THSD4: variants seen among roughly 807,000 people sequenced by gnomAD.
THSD4 encodes the protein thrombospondin type 1 domain containing 4.
Under a neutral mutation model 119.0 loss-of-function variants are expected in THSD4, and 69 were observed. The observed-to-expected ratio is 0.58, with a 90% CI of 0.48 to 0.71. The LOEUF is 0.71. Ranked by LOEUF, THSD4 falls within the 30% of genes least tolerant of loss-of-function variation. The probability of loss-of-function intolerance (pLI) is 0.00; values close to 1 mark genes in which losing one functional copy is unlikely to be tolerated. For synonymous variants in THSD4, 524 were observed against 540.4 expected, an observed-to-expected ratio of 0.97 and a Z score of 0.42; for missense variants, 1,393 against 1,391.1, an observed-to-expected ratio of 1.00 and a Z score of -0.02.
intron 6 of THSD4, among the ~76,000 whole-genome samples, chr15:71,349,789 G>A (rs947232372): frequency 6.6e-6 from 1 of 152,154 alleles, no homozygotes; most frequent in Non-Finnish European, 1.5e-5. Flanking sequence ...TTTGGGATGG[G>A]ATAGGGGTCC....
chr15:71,425,415 A>G (rs1320845275), intron 7 of THSD4, among the ~76,000 whole-genome samples: 3 of 152,024 alleles, frequency 2.0e-5, no homozygotes, highest in African/African-American at 4.8e-5. Context: ...TATTTTTCTC[A>G]CCTCCTCTTT....
chr15:71,765,346 C>T lies in THSD4; in HGVS notation c.2769+147C>T. On this transcript the variant is annotated intron_variant, in intron 16 of 17. Coordinates refer to ENST00000261862, the MANE Select transcript of THSD4 (RefSeq NM_024817.3). ...CCTTAGGTGGTAGCTGCTGGAGTAC[C>T]CCGTGACTCAGCCTGCTTCGTGGGG... 3.1e-6 allele frequency: 3 copies of T among 977,470 alleles called. 1 individual carries two copies. The highest frequency in any genetic ancestry group is 4.3e-6 in the Non-Finnish European group (3 of 697,622). 60.5% of individuals were successfully genotyped at this position (977,470 alleles called of 1,614,324 possible). A position where few individuals can be genotyped will look rare whatever the true frequency, so the allele number is the denominator to read the frequency against.
chr15:71,365,131 TTG>T (rs10690804), intron 6 of THSD4, among the ~76,000 whole-genome samples: 16,940 of 135,738 alleles, frequency 0.12, 1,079 homozygotes, highest in South Asian at 0.18. Flanking sequence ...GCCCCCCCCA[TTG>T]TGTGTGTGTG....
intron 6 of THSD4, among the ~76,000 whole-genome samples, chr15:71,409,581 G>T: frequency 6.6e-6 from 1 of 152,030 alleles, no homozygotes; most frequent in East Asian, 1.9e-4. Context: ...ACATCTTTTG[G>T]GCAGCCAAGG....
intron 6 of THSD4, among the ~76,000 whole-genome samples, chr15:71,406,784 A>G (rs1044856013): frequency 6.6e-6 from 1 of 151,564 alleles, no homozygotes; most frequent in African/African-American, 2.4e-5. Flanking sequence ...AGTTCAAGCA[A>G]TTCTCTTGCC....
At chr15:71,097,319 C>G (rs2040234624) in intron 1 of THSD4, among the ~76,000 whole-genome samples, 1 of 152,142 alleles carries the variant, frequency 6.6e-6, no homozygotes, top group African/African-American at 2.4e-5. Flanking sequence ...AATACCAGCA[C>G]TTTGGGAGGC....
chr15:71,490,376 C>T (rs765650973), intron 7 of THSD4, among the ~76,000 whole-genome samples: 1 of 152,004 alleles, frequency 6.6e-6, no homozygotes, highest in Admixed American at 6.6e-5. Context: ...CTGGCTAACA[C>T]GGTGAAACCC....
intron 3 of THSD4, among the ~76,000 whole-genome samples, chr15:71,171,600 A>G (rs756877582): frequency 1.6e-4 from 24 of 152,342 alleles, no homozygotes; most frequent in Middle Eastern, 3.4e-3. Context: ...TGATAGCTAC[A>G]TAGGTAACTA....
Position 71,407,375 on chromosome 15 carries a change from C to T in THSD4, c.1016-4312C>T, listed in dbSNP as rs191613710. Among the ~76,000 whole-genome samples, 316 of 152,280 alleles carry T rather than the reference C, an allele frequency of 2.1e-3. 2 individuals carry two copies. The highest frequency in any genetic ancestry group is 0.01 in the Middle Eastern group (3 of 294). On this transcript the variant is annotated intron_variant, in intron 6 of 17. Transcript: ENST00000261862. ...TAAGTCATTACAATGAGTCCTTCTG[C>T]TTTCCGGTTTCCTAAATTTTGTAAC... is the stretch of plus-strand genomic sequence containing the variant.
intron 1 of THSD4, among the ~76,000 whole-genome samples, chr15:71,124,095 A>T (rs1036367748): frequency 1.3e-5 from 2 of 152,142 alleles, no homozygotes; most frequent in African/African-American, 2.4e-5. Flanking sequence ...TCAGTCTGAC[A>T]CCAGCACCAC....
chr15:71,243,285 G>A (rs1180136033), intron 5 of THSD4, among the ~76,000 whole-genome samples, 189 bp downstream of exon 5: 1 of 149,250 alleles, frequency 6.7e-6, no homozygotes. Context: ...TTTTTTTAAA[G>A]TTATTGCTTT....
At chr15:71,123,224 G>C (rs1242560817) in intron 1 of THSD4, among the ~76,000 whole-genome samples, 2 of 152,174 alleles carry the variant, frequency 1.3e-5, no homozygotes, top group African/African-American at 2.4e-5. Flanking sequence ...GTGCGTTAGT[G>C]GTCCTGTGTG....
At chr15:71,395,308 G>A (rs1216728083) in intron 6 of THSD4, among the ~76,000 whole-genome samples, 1 of 152,186 alleles carries the variant, frequency 6.6e-6, no homozygotes, top group Non-Finnish European at 1.5e-5. Context: ...GACATGCCGT[G>A]AAGGTGACAG....
At chr15:71,442,762 ACT>A (rs1437192044) in intron 7 of THSD4, among the ~76,000 whole-genome samples, 2 of 140,824 alleles carry the variant, frequency 1.4e-5, no homozygotes, top group African/African-American at 5.3e-5. Context: ...CAGACACATG[ACT>A]CTGCTTCCTC....
intron 8 of THSD4, among the ~76,000 whole-genome samples, chr15:71,689,717 T>C (rs1419621539): frequency 2.0e-5 from 3 of 152,038 alleles, no homozygotes; most frequent in Admixed American, 2.0e-4. Context: ...ACTGATACCA[T>C]CACCCTCATT....
At chr15:71,724,266 GATAT>G (rs144736427) in intron 8 of THSD4, among the ~76,000 whole-genome samples, 4 of 74,582 alleles carry the variant, frequency 5.4e-5, no homozygotes, top group African/African-American at 1.3e-4. Flanking sequence ...TCTATGATGG[GATAT>G]ATATATATAT....
chr15:71,377,914 A>ACACACACACACAC (rs57687864), intron 6 of THSD4, among the ~76,000 whole-genome samples: 4 of 146,146 alleles, frequency 2.7e-5, no homozygotes, highest in African/African-American at 7.6e-5. Context: ...ACACACACAC[A>ACACACACACACAC]ATTTCCTTCA....
At chr15:71,432,845 A>G (rs1269598793) in intron 7 of THSD4, among the ~76,000 whole-genome samples, 1 of 152,088 alleles carries the variant, frequency 6.6e-6, no homozygotes, top group African/African-American at 2.4e-5. Flanking sequence ...TCTAAAGTAG[A>G]CAAAATAATC....
At chr15:71,164,759 C>T (rs1323648146) in intron 3 of THSD4, 2 of 1,592,214 alleles carry the variant, frequency 1.3e-6, no homozygotes, top group South Asian at 1.2e-5. Flanking sequence ...AAAAACTGCG[C>T]TAGAACCAAC....
Sources: gnomAD v4.1 joint callset for allele counts (sites outside exome capture counted in the v4.1 genomes callset) on GRCh38, gnomAD v4.1.1 for gene constraint, MANE v1.5 for transcripts, NCBI Gene and HGNC (gene_info 2026-07-23, HGNC 2026-07-21) for gene names.